Variants in VPS13A observed in about 807,000 individuals in gnomAD.
VPS13A encodes the protein vacuolar protein sorting 13 homolog A.
In VPS13A, 264 loss-of-function variants were observed where a neutral mutation model predicts 390.9. The ratio of observed to expected loss-of-function variants is 0.68; its 90% CI spans 0.61 to 0.75. The LOEUF is 0.75. Ranked by LOEUF, VPS13A falls within the 30% of genes least tolerant of loss-of-function variation. VPS13A has a pLI of 0.00. For synonymous variants in VPS13A, 1,231 were observed against 1,227.1 expected (o/e 1.00, Z -0.07); for missense variants, 3,409 against 3,733.9 (o/e 0.91, Z 2.27).
At chr9:77,209,683 T>C (rs1344277107) in intron 6 of VPS13A, 151 bp downstream of exon 6, 1 of 627,412 alleles carries the variant, frequency 1.6e-6, no homozygotes, top group Non-Finnish European at 2.8e-6. Context: ...ATAATTATAG[T>C]TGTAATTTGC....
At chr9:77,248,935 C>T (rs62573198) in intron 20 of VPS13A, among the ~76,000 whole-genome samples, 30,521 of 152,048 alleles carry the variant, frequency 0.2, 3,237 homozygotes, top group Middle Eastern at 0.26. Context: ...TTTCACCATG[C>T]TGGTCAGGCT....
rs766188554 is a variant in VPS13A at position 77,315,324 on chromosome 9, G to T, written c.4484G>T (p.Gly1495Val). The T allele has an allele frequency of 3.1e-6, 5 of 1,613,968 alleles. No individual in the cohort carries two copies. The highest frequency in any genetic ancestry group is 3.4e-6 in the Non-Finnish European group (4 of 1,179,850). The change falls in exon 38 of 72, where the codon GGT becomes GTT. Residue 1495 changes from glycine (G) to valine (V), a missense_variant. Around this residue, in one of 5 missense-constraint regions of VPS13A, gnomAD observed 2,717 missense variants for 2,917.4 expected, o/e 0.93. Transcript: ENST00000360280. ...MDIKYRKVRD[G>V]CVTDAVFQEM... Reference sequence around the variant, plus strand: ...ATAAAGTACAGGAAAGTCAGAGATGGTTGTGTGACTGATGCGGTCTTTCAA... The same window carrying T: ...ATAAAGTACAGGAAAGTCAGAGATGTTTGTGTGACTGATGCGGTCTTTCAA...
intron 31 of VPS13A, among the ~76,000 whole-genome samples, chr9:77,290,123 C>T (rs1450451839): frequency 1.3e-5 from 2 of 152,144 alleles, no homozygotes; most frequent in African/African-American, 2.4e-5. Context: ...GTAATGACTT[C>T]TCTCAGTTTT....
At position 77,177,671 on chromosome 9, in the gene VPS13A, G is replaced by A; in HGVS notation, c.-34G>A. On this transcript the variant is annotated 5_prime_UTR_variant, in exon 1 of 72. Transcript: ENST00000360280. ...GAAGGCGGCGGGAGGAGGAGCGCAC[G>A]GGCCGGCTGCCGTGCCCACCACGGC... 6.3e-7 allele frequency: 1 copy of A among 1,598,984 alleles called. No individual in the cohort carries two copies. Among genetic ancestry groups the A allele is most frequent in the South Asian group, 1.1e-5 (1 of 90,796 alleles).
At chr9:77,222,455 GA>G (rs1360497780) in intron 13 of VPS13A, among the ~76,000 whole-genome samples, 1 of 152,204 alleles carries the variant, frequency 6.6e-6, no homozygotes, top group East Asian at 1.9e-4. Flanking sequence ...TGACAACTAT[GA>G]AAAGTGTTAA....
At chr9:77,410,604 C>T (rs2131665535) in intron 71 of VPS13A, among the ~76,000 whole-genome samples, 1 of 152,170 alleles carries the variant, frequency 6.6e-6, no homozygotes, top group African/African-American at 2.4e-5. Context: ...GGAAGATCTA[C>T]CAAGCAAATG....
At chr9:77,277,984 A>T (rs1175848593) in intron 26 of VPS13A, among the ~76,000 whole-genome samples, 1 of 152,206 alleles carries the variant, frequency 6.6e-6, no homozygotes, top group Non-Finnish European at 1.5e-5. Flanking sequence ...TAGTAATTGG[A>T]AAGAAAAGTA....
intron 45 of VPS13A, among the ~76,000 whole-genome samples, chr9:77,324,286 T>A (rs1448452886): frequency 6.6e-6 from 1 of 152,216 alleles, no homozygotes. Context: ...ATCTTGTTTA[T>A]ATTGCCTATC....
intron 17 of VPS13A, among the ~76,000 whole-genome samples, chr9:77,230,087 CTA>C (rs1823740418): frequency 6.6e-6 from 1 of 151,898 alleles, no homozygotes; most frequent in African/African-American, 2.4e-5. Context: ...GGAGAAATGT[CTA>C]TTAGATTTTT....
At chr9:77,273,104 T>C (rs561582809) in intron 23 of VPS13A, among the ~76,000 whole-genome samples, 176 bp from the exon 24 acceptor site, 1 of 152,366 alleles carries the variant, frequency 6.6e-6, no homozygotes, top group African/African-American at 2.4e-5. Flanking sequence ...AAACTACTTC[T>C]TTAAAATCTG....
chr9:77,352,126 A>G (rs1831507656), intron 53 of VPS13A, among the ~76,000 whole-genome samples: 1 of 152,240 alleles, frequency 6.6e-6, no homozygotes, highest in Non-Finnish European at 1.5e-5. Flanking sequence ...CTCTGCATTG[A>G]CAATCATACT....
chr9:77,367,110 A>C (rs1022084752), intron 61 of VPS13A, among the ~76,000 whole-genome samples: 3 of 152,192 alleles, frequency 2.0e-5, no homozygotes, highest in African/African-American at 7.2e-5. Flanking sequence ...AGGCCATGCA[A>C]GTTTCACATT....
chr9:77,295,284 A>G (rs1295928903), intron 32 of VPS13A, among the ~76,000 whole-genome samples: 1 of 152,168 alleles, frequency 6.6e-6, no homozygotes, highest in East Asian at 1.9e-4. Flanking sequence ...GGAAGTAGAT[A>G]TCTGTAAGAC....
chr9:77,200,910 CG>C (rs1334422555), intron 2 of VPS13A, among the ~76,000 whole-genome samples: 1 of 152,010 alleles, frequency 6.6e-6, no homozygotes, highest in African/African-American at 2.4e-5. Flanking sequence ...CATGTTTTTG[CG>C]AGTGGATATC....
chr9:77,275,722 G>C (rs1389557523), intron 25 of VPS13A, 70 bp downstream of exon 25: 19 of 1,504,452 alleles, frequency 1.3e-5, no homozygotes, highest in Non-Finnish European at 1.5e-5. Context: ...TTACTATATA[G>C]TCTCATTGTT....
chr9:77,271,110 CA>C (rs1826328750), intron 23 of VPS13A, among the ~76,000 whole-genome samples: 1 of 151,928 alleles, frequency 6.6e-6, no homozygotes. Flanking sequence ...AAAATAGTTG[CA>C]AAAATATTTT....
chr9:77,246,638 A>T (rs1008164411), intron 19 of VPS13A, among the ~76,000 whole-genome samples: 1 of 152,202 alleles, frequency 6.6e-6, no homozygotes, highest in African/African-American at 2.4e-5. Context: ...GTTTAGATTT[A>T]AAAGCTGATG....
At chr9:77,384,457 C>A in intron 68 of VPS13A, 1 of 1,318,706 alleles carries the variant, frequency 7.6e-7, no homozygotes, top group Non-Finnish European at 1.1e-6. Context: ...CAGTCTGAGT[C>A]ATAGCTGAAA....
intron 52 of VPS13A, among the ~76,000 whole-genome samples, chr9:77,350,525 C>A (rs988628634): frequency 6.6e-6 from 1 of 152,082 alleles, no homozygotes; most frequent in African/African-American, 2.4e-5. Context: ...CTTATTCTTA[C>A]AAATTTATGA....
Sources: allele counts gnomAD v4.1 joint callset (sites outside exome capture counted in the v4.1 genomes callset), GRCh38; gene constraint gnomAD v4.1.1; regional missense constraint gnomAD v4.1.1; transcripts MANE v1.5; gene names NCBI Gene and HGNC (gene_info 2026-07-23, HGNC 2026-07-21).